Variants in SLC14A2 observed in about 807,000 individuals in gnomAD.
SLC14A2 encodes urea transporter 2.
In SLC14A2, 91 loss-of-function variants were observed where a neutral mutation model predicts 104.6. The ratio of observed to expected loss-of-function variants is 0.87; its 90% CI spans 0.73 to 1.04. SLC14A2 has a LOEUF of 1.04. SLC14A2 is among the 50% of genes least tolerant of loss of function. The pLI, the probability that SLC14A2 is intolerant of heterozygous loss-of-function variation, is 0.00. For synonymous variants in SLC14A2, 476 were observed against 466.4 expected (o/e 1.02, Z -0.27); for missense variants, 1,189 against 1,156.0 (o/e 1.03, Z -0.41).
intron 1 of SLC14A2, among the ~76,000 whole-genome samples, chr18:45,233,549 G>A (rs1385411825): frequency 1.3e-5 from 2 of 152,092 alleles, no homozygotes; most frequent in Non-Finnish European, 2.9e-5. Context: ...TCACGAAAAT[G>A]TTTAGGCAGA....
intron 2 of SLC14A2, among the ~76,000 whole-genome samples, chr18:45,537,975 C>T (rs978717944): frequency 6.6e-6 from 1 of 152,184 alleles, no homozygotes; most frequent in Non-Finnish European, 1.5e-5. Flanking sequence ...TCATTTATCA[C>T]TGCATAATAC....
chr18:45,430,901 C>CAACTG (rs2086504045), intron 1 of SLC14A2, among the ~76,000 whole-genome samples: 1 of 152,114 alleles, frequency 6.6e-6, no homozygotes, highest in Non-Finnish European at 1.5e-5. Flanking sequence ...GGAATGGACA[C>CAACTG]CCAGGGAGAC....
At chr18:45,585,730 G>A (rs983129863) in intron 2 of SLC14A2, among the ~76,000 whole-genome samples, 6 of 152,004 alleles carry the variant, frequency 3.9e-5, no homozygotes, top group African/African-American at 1.2e-4. Flanking sequence ...TCCAGTCCTC[G>A]ACTCCACTCC....
At chr18:45,221,853 G>A (rs1005492041) in intron 1 of SLC14A2, among the ~76,000 whole-genome samples, 3 of 152,020 alleles carry the variant, frequency 2.0e-5, no homozygotes, top group African/African-American at 7.2e-5. Context: ...AGGAGAAGAA[G>A]GCTAGCCACA....
At chr18:45,524,732 G>T (rs1201572494) in intron 2 of SLC14A2, among the ~76,000 whole-genome samples, 1 of 152,172 alleles carries the variant, frequency 6.6e-6, no homozygotes, top group Non-Finnish European at 1.5e-5. Flanking sequence ...ACACACAGGT[G>T]TAGACCTAAC....
chr18:45,586,557 A>T (rs930649408), intron 2 of SLC14A2, among the ~76,000 whole-genome samples: 1 of 152,162 alleles, frequency 6.6e-6, no homozygotes, highest in Non-Finnish European at 1.5e-5. Context: ...GGGGAACAAG[A>T]GTGGAGGCAG....
chr18:45,455,928 G>C (rs73955827), intron 1 of SLC14A2, among the ~76,000 whole-genome samples: 1 of 152,150 alleles, frequency 6.6e-6, no homozygotes, highest in Non-Finnish European at 1.5e-5. Context: ...GGGATTTCTG[G>C]TAAGGGGGCT....
rs73953234 is a variant in SLC14A2 at position 45,594,569 on chromosome 18, A to G, written c.-34-30062A>G. Among the ~76,000 whole-genome samples the G allele has an allele frequency of 3.7e-3, 558 of 152,230 alleles. 5 individuals carry two copies. Among genetic ancestry groups the G allele is most frequent in the African/African-American group, 0.013 (537 of 41,530 alleles). ...TCCTGGACCGGTCATTACCTCTGTGAACAAAAGGCATCTGAACAGCAGGGC... is the reference window on the plus strand; with the variant it reads ...TCCTGGACCGGTCATTACCTCTGTGGACAAAAGGCATCTGAACAGCAGGGC... On this transcript the variant is annotated intron_variant, in intron 2 of 20. Coordinates refer to the SLC14A2 transcript ENST00000586448.
chr18:45,301,241 G>A (rs771981568), intron 1 of SLC14A2, among the ~76,000 whole-genome samples: 2 of 152,218 alleles, frequency 1.3e-5, no homozygotes, highest in Non-Finnish European at 2.9e-5. Context: ...GTCATGTAAT[G>A]GATTTAGTAG....
At chr18:45,462,761 AT>A (rs1038727417) in intron 1 of SLC14A2, among the ~76,000 whole-genome samples, 1 of 151,708 alleles carries the variant, frequency 6.6e-6, no homozygotes, top group African/African-American at 2.4e-5. Context: ...CTGGTTTTGC[AT>A]TTTTTTTAAT....
At chr18:45,644,605 T>C (rs896091308) in intron 10 of SLC14A2, among the ~76,000 whole-genome samples, 1 of 152,128 alleles carries the variant, frequency 6.6e-6, no homozygotes, top group Non-Finnish European at 1.5e-5. Context: ...GAAGGCTCTC[T>C]AGTGGCTGAG....
At chr18:45,204,017 G>A in the SLC14A2 span, among the ~76,000 whole-genome samples, 1 of 152,080 alleles carries the variant, frequency 6.6e-6, no homozygotes, top group East Asian at 1.9e-4. Flanking sequence ...TTTTCTGTAG[G>A]GGTTGGGAAT....
intron 1 of SLC14A2, among the ~76,000 whole-genome samples, chr18:45,419,773 CAAAAAA>C (rs56030142): frequency 2.9e-5 from 4 of 138,754 alleles, no homozygotes; most frequent in African/African-American, 8.0e-5. Context: ...GACTCCAACT[CAAAAAA>C]AAAAAAAAAA....
At chr18:45,575,392 T>C (rs1345873279) in intron 2 of SLC14A2, among the ~76,000 whole-genome samples, 1 of 152,206 alleles carries the variant, frequency 6.6e-6, no homozygotes, top group Non-Finnish European at 1.5e-5. Flanking sequence ...ATCCCCACTT[T>C]GATGGAGAAC....
chr18:45,441,125 T>G (rs2086676190), intron 1 of SLC14A2, among the ~76,000 whole-genome samples: 2 of 152,164 alleles, frequency 1.3e-5, no homozygotes, highest in Non-Finnish European at 2.9e-5. Flanking sequence ...TGCCCTCTCT[T>G]TTTCCACTTT....
intron 2 of SLC14A2, among the ~76,000 whole-genome samples, chr18:45,583,694 A>G (rs186239926): frequency 6.6e-6 from 1 of 152,324 alleles, no homozygotes; most frequent in African/African-American, 2.4e-5. Context: ...TAGAATAGCA[A>G]TGACTGAGAA....
At chr18:45,275,581 C>T (rs2084693678) in intron 1 of SLC14A2, among the ~76,000 whole-genome samples, 1 of 152,124 alleles carries the variant, frequency 6.6e-6, no homozygotes, top group African/African-American at 2.4e-5. Flanking sequence ...TACCCATATG[C>T]CAGAGCTATT....
chr18:45,532,276 A>G (rs1448876914), intron 2 of SLC14A2, among the ~76,000 whole-genome samples: 2 of 152,124 alleles, frequency 1.3e-5, no homozygotes, highest in African/African-American at 2.4e-5. Context: ...CATTGAATCT[A>G]TAAATTACCT....
intron 2 of SLC14A2, among the ~76,000 whole-genome samples, chr18:45,587,807 C>T (rs765164443): frequency 1.3e-5 from 2 of 152,082 alleles, no homozygotes; most frequent in Admixed American, 6.5e-5. Flanking sequence ...AAGCTCCCAC[C>T]CTCACCAGTT....
Sources: gnomAD v4.1 joint callset for allele counts (sites outside exome capture counted in the v4.1 genomes callset) on GRCh38, gnomAD v4.1.1 for gene constraint, MANE v1.5 for transcripts, NCBI Gene and HGNC (gene_info 2026-07-23, HGNC 2026-07-21) for gene names.